LUZP2: variants seen among roughly 807,000 people sequenced by gnomAD.
LUZP2 encodes the protein leucine zipper protein 2.
Under a neutral mutation model 51.6 loss-of-function variants are expected in LUZP2, and 52 were observed. The ratio of observed to expected loss-of-function variants is 1.01; its 90% CI spans 0.81 to 1.27. The LOEUF (loss-of-function observed/expected upper bound fraction) is 1.27. LUZP2 is among the 50% of genes most tolerant of loss of function. LUZP2 has a pLI of 0.00. For synonymous variants in LUZP2, 154 were observed against 137.3 expected (o/e 1.12, Z -0.85); for missense variants, 436 against 395.4 (o/e 1.10, Z -0.87).
chr11:24,536,260 T>A (rs11027989), intron 1 of LUZP2, among the ~76,000 whole-genome samples: 28,298 of 151,844 alleles, frequency 0.19, 3,151 homozygotes, highest in Middle Eastern at 0.36. Flanking sequence ...CACTAGCTGC[T>A]TTAGTGTCTA....
intron 1 of LUZP2, among the ~76,000 whole-genome samples, chr11:24,707,201 G>T (rs73437136): frequency 0.069 from 10,459 of 151,772 alleles, 1,202 homozygotes; most frequent in African/African-American, 0.24. Flanking sequence ...TAATTATGCA[G>T]CCTAAGTCAC....
At chr11:24,514,289 A>G (rs11027963) in intron 1 of LUZP2, among the ~76,000 whole-genome samples, 16,418 of 152,216 alleles carry the variant, frequency 0.11, 1,287 homozygotes, top group African/African-American at 0.22. Context: ...AAAGAAATAG[A>G]TGGTGATGAT....
Position 24,906,000 on chromosome 11 carries a change from T to C in LUZP2, c.406T>C (p.Leu136=). Residue 136 remains leucine (L), a synonymous_variant, in exon 6 of 12, where the codon TTG becomes CTG. Transcript: ENST00000336930. ...IRDLQNENKS[L]KNKLLSGNKL... ...ATGTTTTCTTCCTCAGAATAAAAGC[T>C]TGAAAAACAAACTCTTGTCAGGAAA... 1.2e-6 allele frequency: 2 copies of C among 1,612,074 alleles called. No individual in the cohort carries two copies. The highest frequency in any genetic ancestry group is 1.7e-6 in the Non-Finnish European group (2 of 1,178,540).
At chr11:25,065,216 G>C (rs549539629) in intron 10 of LUZP2, among the ~76,000 whole-genome samples, 7 of 152,026 alleles carry the variant, frequency 4.6e-5, no homozygotes, top group African/African-American at 1.7e-4. Context: ...TCTCTACCAT[G>C]TACCTAGGTC....
chr11:24,923,295 A>C (rs1368338596), intron 7 of LUZP2, among the ~76,000 whole-genome samples: 1 of 152,162 alleles, frequency 6.6e-6, no homozygotes, highest in Admixed American at 6.6e-5. Context: ...TGTGAAAGAA[A>C]AATCAAAATC....
intron 10 of LUZP2, among the ~76,000 whole-genome samples, chr11:25,050,582 G>A (rs1034056299): frequency 4.6e-5 from 7 of 152,206 alleles, no homozygotes; most frequent in East Asian, 3.9e-4. Flanking sequence ...GGGATTACAG[G>A]CATGAGCCAC....
At chr11:24,845,449 G>GTC (rs1309914773) in intron 5 of LUZP2, among the ~76,000 whole-genome samples, 5 of 152,276 alleles carry the variant, frequency 3.3e-5, no homozygotes, top group Non-Finnish European at 5.9e-5. Context: ...AGACTTTTCA[G>GTC]TTAATGCTGA....
At chr11:25,013,524 T>A (rs879650814) in intron 9 of LUZP2, among the ~76,000 whole-genome samples, 8 of 152,308 alleles carry the variant, frequency 5.3e-5, no homozygotes, top group Admixed American at 5.2e-4. Flanking sequence ...ATGTTTGATC[T>A]CTTGAAATGC....
intron 1 of LUZP2, among the ~76,000 whole-genome samples, chr11:24,518,290 C>A (rs2133793678): frequency 6.6e-6 from 1 of 152,226 alleles, no homozygotes; most frequent in South Asian, 2.1e-4. Flanking sequence ...AGAATTTAAG[C>A]TCAGAGCTGC....
chr11:24,982,840 T>C (rs1856075743), intron 8 of LUZP2, among the ~76,000 whole-genome samples: 1 of 151,838 alleles, frequency 6.6e-6, no homozygotes, highest in Non-Finnish European at 1.5e-5. Context: ...ATATTTCCTT[T>C]CCTGCAAACT....
chr11:24,688,794 C>T (rs1856974721), intron 1 of LUZP2, among the ~76,000 whole-genome samples: 1 of 152,102 alleles, frequency 6.6e-6, no homozygotes, highest in South Asian at 2.1e-4. Context: ...GGGAGTTCAT[C>T]TCTCACGTGT....
intron 3 of LUZP2, among the ~76,000 whole-genome samples, chr11:24,732,634 A>T (rs1858754304): frequency 6.6e-6 from 1 of 151,748 alleles, no homozygotes; most frequent in African/African-American, 2.4e-5. Context: ...TAGAATCAGT[A>T]CAATATTATT....
intron 7 of LUZP2, among the ~76,000 whole-genome samples, chr11:24,974,578 A>T (rs1328885828): frequency 6.6e-6 from 1 of 152,120 alleles, no homozygotes; most frequent in African/African-American, 2.4e-5. Flanking sequence ...AATGAAATAC[A>T]TGTGATTTAA....
intron 5 of LUZP2, among the ~76,000 whole-genome samples, chr11:24,768,049 G>C (rs974231772): frequency 2.6e-5 from 4 of 152,030 alleles, no homozygotes; most frequent in African/African-American, 9.7e-5. Context: ...TATAAGACAG[G>C]CTCAAAAATG....
At chr11:24,755,858 C>T (rs993216535) in intron 4 of LUZP2, among the ~76,000 whole-genome samples, 1 of 152,062 alleles carries the variant, frequency 6.6e-6, no homozygotes, top group Non-Finnish European at 1.5e-5. Flanking sequence ...TGTTTTCTTA[C>T]CATATTTTGA....
At chr11:24,680,985 T>G (rs1181571115) in intron 1 of LUZP2, among the ~76,000 whole-genome samples, 1 of 150,164 alleles carries the variant, frequency 6.7e-6, no homozygotes, top group Non-Finnish European at 1.5e-5. Context: ...TTTTTTTTTT[T>G]TTTTTTTGAG....
chr11:24,730,596 CA>C (rs1169584318), intron 2 of LUZP2, among the ~76,000 whole-genome samples: 3 of 151,714 alleles, frequency 2.0e-5, no homozygotes, highest in Non-Finnish European at 3.0e-5. Context: ...GAAAATTCAC[CA>C]AGTGAATAAG....
At chr11:24,705,139 G>T (rs1253982838) in intron 1 of LUZP2, among the ~76,000 whole-genome samples, 1 of 151,636 alleles carries the variant, frequency 6.6e-6, no homozygotes, top group South Asian at 2.1e-4. Flanking sequence ...CTTCACTTGA[G>T]CTCCAATACC....
intron 7 of LUZP2, among the ~76,000 whole-genome samples, chr11:24,964,349 A>G (rs1432567367): frequency 5.3e-5 from 8 of 152,222 alleles, no homozygotes; most frequent in Admixed American, 5.2e-4. Context: ...TCAAGTTAAA[A>G]GCATTATTAG....
Sources: allele counts gnomAD v4.1 joint callset (sites outside exome capture counted in the v4.1 genomes callset), GRCh38; gene constraint gnomAD v4.1.1; transcripts MANE v1.5; gene names NCBI Gene and HGNC (gene_info 2026-07-23, HGNC 2026-07-21).